The following CNTN5 variants were observed in gnomAD, a reference collection of about 807,000 sequenced individuals.
CNTN5 encodes contactin-5.
In CNTN5, 77 loss-of-function variants were observed where a neutral mutation model predicts 129.1. That is an observed-to-expected ratio of 0.60 (90% CI 0.50 to 0.72). CNTN5 has a LOEUF of 0.72. Ranked by LOEUF, CNTN5 falls within the 30% of genes least tolerant of loss-of-function variation. The pLI is 0.00. For missense variants in CNTN5, 1,478 were observed against 1,328.8 expected, an observed-to-expected ratio of 1.11 and a Z score of -1.75; for synonymous variants, 509 against 465.6, an observed-to-expected ratio of 1.09 and a Z score of -1.20.
intron 1 of CNTN5, among the ~76,000 whole-genome samples, chr11:99,161,877 G>A (rs1409950823): frequency 2.0e-5 from 3 of 152,000 alleles, no homozygotes; most frequent in African/African-American, 7.3e-5. Flanking sequence ...TACCACTGTT[G>A]GGACTGCTAT....
intron 1 of CNTN5, among the ~76,000 whole-genome samples, chr11:99,034,712 A>G (rs1365878740): frequency 6.6e-6 from 1 of 152,084 alleles, no homozygotes; most frequent in Non-Finnish European, 1.5e-5. Context: ...GATCCTTTCA[A>G]AAAACCAGCT....
chr11:99,858,805 TA>T (rs1410486222), intron 6 of CNTN5, among the ~76,000 whole-genome samples: 8 of 152,144 alleles, frequency 5.3e-5, no homozygotes, highest in South Asian at 2.1e-4. Context: ...GCACGATTTT[TA>T]AAAATGTCAG....
At chr11:100,287,092 A>C (rs1950813980) in intron 18 of CNTN5, among the ~76,000 whole-genome samples, 2 of 152,170 alleles carry the variant, frequency 1.3e-5, no homozygotes, top group South Asian at 2.1e-4. Context: ...GCCTCCAAGA[A>C]AATATGGGAC....
intron 3 of CNTN5, among the ~76,000 whole-genome samples, chr11:99,751,634 A>G (rs1269872050): frequency 6.6e-6 from 1 of 152,192 alleles, no homozygotes; most frequent in Non-Finnish European, 1.5e-5. Context: ...ATGTCAGATT[A>G]TTATCATCTG....
chr11:100,174,992 C>G (rs1947919911), intron 13 of CNTN5, among the ~76,000 whole-genome samples: 1 of 152,006 alleles, frequency 6.6e-6, no homozygotes, highest in Non-Finnish European at 1.5e-5. Context: ...TGTGTATTGC[C>G]CTTAGCTGTT....
chr11:99,065,650 T>A (rs1565288633), intron 1 of CNTN5, among the ~76,000 whole-genome samples: 1 of 152,098 alleles, frequency 6.6e-6, no homozygotes, highest in Non-Finnish European at 1.5e-5. Context: ...TCAGAAGTAA[T>A]TTTACCAAAA....
chr11:99,455,883 G>A (rs1944479161), intron 2 of CNTN5, among the ~76,000 whole-genome samples: 3 of 151,996 alleles, frequency 2.0e-5, no homozygotes, highest in Admixed American at 2.0e-4. Context: ...ATCTTTATTC[G>A]TTAGTCCTAT....
intron 1 of CNTN5, among the ~76,000 whole-genome samples, chr11:99,218,370 G>C (rs1335912862): frequency 2.0e-5 from 3 of 151,844 alleles, no homozygotes; most frequent in Non-Finnish European, 2.9e-5. Context: ...CAACCCTCTA[G>C]GTCAACTCAT....
chr11:100,154,322 T>TGCC (rs1181933235), intron 13 of CNTN5, among the ~76,000 whole-genome samples: 1 of 138,344 alleles, frequency 7.2e-6, no homozygotes, highest in African/African-American at 2.9e-5. Context: ...GGTGTATCTG[T>TGCC]GCCACATTTT....
intron 3 of CNTN5, among the ~76,000 whole-genome samples, chr11:99,680,790 A>G (rs1953517496): frequency 6.6e-6 from 1 of 152,024 alleles, no homozygotes; most frequent in Non-Finnish European, 1.5e-5. Context: ...GTCTTATGCA[A>G]CATATTTCTT....
At chr11:100,287,276 G>A (rs1047669939) in intron 18 of CNTN5, among the ~76,000 whole-genome samples, 5 of 151,930 alleles carry the variant, frequency 3.3e-5, no homozygotes, top group South Asian at 2.1e-4. Flanking sequence ...GATACTCCTC[G>A]AGAAGAGCAA....
chr11:99,731,804 A>G (rs561370178), intron 3 of CNTN5, among the ~76,000 whole-genome samples: 1 of 152,308 alleles, frequency 6.6e-6, no homozygotes, highest in East Asian at 1.9e-4. Flanking sequence ...AATATATCTT[A>G]AGGGCTAGAC....
chr11:99,107,938 T>TAAAAAAA (rs55786739), intron 1 of CNTN5, among the ~76,000 whole-genome samples: 4 of 103,522 alleles, frequency 3.9e-5, no homozygotes, highest in Non-Finnish European at 3.9e-5. Context: ...CTCAAAAAAG[T>TAAAAAAA]AAAAAAAAAA....
intron 1 of CNTN5, among the ~76,000 whole-genome samples, chr11:99,114,318 G>T (rs1409267951): frequency 1.7e-4 from 26 of 152,022 alleles, no homozygotes; most frequent in Admixed American, 1.6e-3. Flanking sequence ...TGTCATAATA[G>T]TGGAGAAACT....
At chr11:99,181,986 A>T (rs970247303) in intron 1 of CNTN5, among the ~76,000 whole-genome samples, 1 of 152,174 alleles carries the variant, frequency 6.6e-6, no homozygotes, top group Non-Finnish European at 1.5e-5. Context: ...ATCACTATCA[A>T]TTATATCACC....
intron 3 of CNTN5, among the ~76,000 whole-genome samples, chr11:99,736,850 A>G (rs1234378639): frequency 2.0e-5 from 3 of 152,158 alleles, no homozygotes; most frequent in Non-Finnish European, 4.4e-5. Context: ...ATAGCCTTGT[A>G]TACAGTTCTT....
chr11:99,838,272 T>C (rs184998819), intron 4 of CNTN5, among the ~76,000 whole-genome samples: 8 of 152,332 alleles, frequency 5.3e-5, no homozygotes, highest in Admixed American at 4.6e-4. Context: ...AAATGAATCG[T>C]TCTTCTTCCA....
At chr11:99,221,463 T>C (rs1243482374) in intron 1 of CNTN5, among the ~76,000 whole-genome samples, 2 of 151,928 alleles carry the variant, frequency 1.3e-5, no homozygotes, top group Non-Finnish European at 2.9e-5. Context: ...CACATAATGT[T>C]ACAGTTATCT....
intron 3 of CNTN5, among the ~76,000 whole-genome samples, chr11:99,639,771 T>A (rs796275028): frequency 6.6e-6 from 1 of 151,922 alleles, no homozygotes; most frequent in South Asian, 2.1e-4. Context: ...ACCATGTTGG[T>A]CAGGCTGGTC....
Sources: gnomAD v4.1 joint callset for allele counts (sites outside exome capture counted in the v4.1 genomes callset) on GRCh38, gnomAD v4.1.1 for gene constraint, MANE v1.5 for transcripts, NCBI Gene and HGNC (gene_info 2026-07-23, HGNC 2026-07-21) for gene names.